Variants in HLX observed in about 807,000 individuals in gnomAD.
The protein encoded by HLX is H2.0 like homeobox.
Under a neutral mutation model 27.7 loss-of-function variants are expected in HLX, and 6 were observed. The ratio of observed to expected loss-of-function variants is 0.22; its 90% CI spans 0.12 to 0.43. HLX has a LOEUF of 0.43. Among genes scored for constraint, HLX ranks in the 20% least tolerant of loss-of-function variants. HLX has a pLI of 1.00. For synonymous variants in HLX, 328 were observed against 293.8 expected (o/e 1.12, Z -1.19); for missense variants, 666 against 655.2 (o/e 1.02, Z -0.18).
Position 220,879,627 on chromosome 1 carries a change from G to T in HLX, c.-231G>T, listed in dbSNP as rs1219573361. On this transcript the variant is annotated 5_prime_UTR_variant, in exon 1 of 4. Coordinates refer to ENST00000366903, the MANE Select transcript of HLX (RefSeq NM_021958.4). Reference sequence around the variant, plus strand: ...CCGCGAGGAGTGCGGGCGCCGCGCCGCCTTTAAAGCGAGGCCAGGGAGCGA... The same window carrying T: ...CCGCGAGGAGTGCGGGCGCCGCGCCTCCTTTAAAGCGAGGCCAGGGAGCGA... 1.6e-5 allele frequency: 10 copies of T among 631,828 alleles called. No individual in the cohort carries two copies. Among genetic ancestry groups the T allele is most frequent in the Non-Finnish European group, 2.5e-5 (10 of 402,750 alleles). The allele number at this position is 631,828 out of a possible 1,614,324, so 39.1% of individuals were successfully genotyped here. A position where few individuals can be genotyped will look rare whatever the true frequency, so the allele number is the denominator to read the frequency against.
intron 2 of HLX, chr1:220,881,824 A>AATT (rs1674452641): frequency 2.4e-6 from 1 of 409,960 alleles, no homozygotes; most frequent in Admixed American, 3.6e-5. Flanking sequence ...GAGATAATTC[A>AATT]ATTCAGGGCT....
At position 220,882,324 on chromosome 1, in the gene HLX, G is replaced by T; in HGVS notation, c.933G>T (p.Ala311=). 1 of 1,614,222 alleles carries T rather than the reference G, an allele frequency of 6.2e-7. No homozygotes were observed. Among genetic ancestry groups the T allele is most frequent in the Non-Finnish European group, 8.5e-7 (1 of 1,180,036 alleles). Residue 311 remains alanine (A), a synonymous_variant, in exon 3 of 4, where the codon GCG becomes GCT. Coordinates refer to ENST00000366903, the MANE Select transcript of HLX (RefSeq NM_021958.4). ...VTKPDRKQLA[A]MLGLTDAQVK... is the part of the protein sequence containing the mutation. ...AGCCGGACCGAAAGCAGCTGGCGGCGATGCTGGGCCTCACGGACGCACAGG... is the reference window on the plus strand; with the variant it reads ...AGCCGGACCGAAAGCAGCTGGCGGCTATGCTGGGCCTCACGGACGCACAGG...
chr1:220,879,473 T>G lies in HLX; in HGVS notation c.-385T>G. 1 of 196,814 alleles carries G rather than the reference T, an allele frequency of 5.1e-6. No individual in the cohort carries two copies. The allele number at this position is 196,814 out of a possible 1,614,324, so 12.2% of individuals were successfully genotyped here. On this transcript the variant is annotated 5_prime_UTR_variant, in exon 1 of 4. Coordinates refer to ENST00000366903, the MANE Select transcript of HLX (RefSeq NM_021958.4). ...TTTTCCCCCCCCCTAACTAACGGAC[T>G]ATTATTGTTGTTGTTTTAAATTTAG...
At position 220,879,586 on chromosome 1, in the gene HLX, C is replaced by A. The variant is rs1040923403; in HGVS notation, c.-272C>A. The A allele has an allele frequency of 6.0e-6, 3 of 503,508 alleles. No individual in the cohort carries two copies. The highest frequency in any genetic ancestry group is 1.0e-5 in the Non-Finnish European group (3 of 293,406). The allele number at this position is 503,508 out of a possible 1,614,324, so 31.2% of individuals were successfully genotyped here. On this transcript the variant is annotated 5_prime_UTR_variant, in exon 1 of 4. Coordinates refer to ENST00000366903, the MANE Select transcript of HLX (RefSeq NM_021958.4). ...CGCCCGCCCTGCGGCCCCAGCGCCCCTCGCTCTCATCCAGCCCGCGAGGAG... is the reference window on the plus strand; with the variant it reads ...CGCCCGCCCTGCGGCCCCAGCGCCCATCGCTCTCATCCAGCCCGCGAGGAG...
chr1:220,881,057 T>G, intron 1 of HLX, 137 bp from the exon 2 acceptor site: 3 of 796,220 alleles, frequency 3.8e-6, no homozygotes, highest in Admixed American at 4.7e-5. Context: ...AGAGAGAGGT[T>G]TCAGCGCCTA....
In HLX at chr1:220,880,234, A is replaced by C. The variant is rs753205383; in HGVS notation, c.377A>C (p.Gln126Pro). 6.2e-6 allele frequency: 10 copies of C among 1,612,492 alleles called. No homozygotes were observed. In the South Asian group the frequency reaches 1.1e-4, roughly 18 times the overall value. ...GCCTACCACCACCATCACCCGCAAC[A>C]ACAACAGCAGCAGCAACAGCCGCAG... ...SAAYHHHHPQ[Q>P]QQQQQQPQQQ... Residue 126 changes from glutamine to proline, a missense_variant, in exon 1 of 4, where the codon CAA (glutamine) becomes CCA (proline). Coordinates refer to ENST00000366903, the MANE Select transcript of HLX (RefSeq NM_021958.4).
At chr1:220,883,346 G>C (rs973999475) in intron 3 of HLX, 1 of 151,282 alleles carries the variant, frequency 6.6e-6, no homozygotes, top group African/African-American at 2.5e-5. Flanking sequence ...GAGCCCAGCC[G>C]TTTTCCACCA....
intron 1 of HLX, 59 bp downstream of exon 1, chr1:220,880,508 G>A: frequency 1.3e-6 from 2 of 1,588,736 alleles, no homozygotes; most frequent in South Asian, 1.1e-5. Context: ...CCGGACCCCG[G>A]GCTGGCTTGG....
rs775433454 is a variant in HLX, at chr1:220,880,209, G to T, written c.352G>T (p.Ala118Ser). 12 of 1,612,100 alleles carry T rather than the reference G, an allele frequency of 7.4e-6. No homozygotes were observed. In the East Asian group the frequency reaches 2.5e-4, roughly 33 times the overall value. Residue 118 changes from alanine to serine, a missense_variant, in exon 1 of 4, where the codon GCC becomes TCC. Physicochemically the swap from Ala to Ser is moderately conservative, Grantham distance 99 (BLOSUM62 1). Coordinates refer to ENST00000366903, the MANE Select transcript of HLX (RefSeq NM_021958.4). ...GCAGCGGCTGTCTCCGCTCTCAGCC[G>T]CCTACCACCACCATCACCCGCAACA... Reference protein sequence around the residue: ...FPQRLSPLSAAYHHHHPQQQQ... With the variant: ...FPQRLSPLSASYHHHHPQQQQ...
chr1:220,882,390 G>A, intron 3 of HLX, 42 bp downstream of exon 3: 3 of 1,593,808 alleles, frequency 1.9e-6, no homozygotes, highest in East Asian at 2.2e-5. Context: ...CCTCGGGCGG[G>A]CAGCAGCGCA....
At chr1:220,881,980 T>C in intron 2 of HLX, 184 bp from the exon 3 acceptor site, 1 of 695,050 alleles carries the variant, frequency 1.4e-6, no homozygotes, top group Non-Finnish European at 2.6e-6. Flanking sequence ...CCGACTGTCG[T>C]GTAAAATTCC....
intron 3 of HLX, chr1:220,883,647 CT>C (rs1674505692): frequency 6.3e-6 from 1 of 158,494 alleles, no homozygotes; most frequent in Non-Finnish European, 1.4e-5. Flanking sequence ...ACCCCTTTCC[CT>C]TTCTGCTTCC....
In HLX at chr1:220,884,247, C is replaced by A. The variant is rs1344236086; in HGVS notation, c.1010C>A (p.Ala337Asp). 6.2e-7 allele frequency: 1 copy of A among 1,613,916 alleles called. No homozygotes were observed. The highest frequency in any genetic ancestry group is 8.5e-7 in the Non-Finnish European group (1 of 1,179,980). ...RRMKWRHSKE[A>D]QAQKDKDKEA... Reference sequence around the variant, plus strand: ...ATGAAGTGGCGGCACTCCAAGGAGGCCCAGGCCCAAAAGGACAAGGACAAG... The same window carrying A: ...ATGAAGTGGCGGCACTCCAAGGAGGACCAGGCCCAAAAGGACAAGGACAAG... Residue 337 changes from alanine to aspartate, a missense_variant, in exon 4 of 4, where the codon GCC (alanine) becomes GAC (aspartate). Ala to Asp is a moderately radical substitution (Grantham distance 126, BLOSUM62 -2). Coordinates refer to ENST00000366903, the MANE Select transcript of HLX (RefSeq NM_021958.4). The surrounding 1 kb of genome is among the most constrained non-coding windows in gnomAD (Gnocchi z 4.9).
chr1:220,879,509 T>G lies in HLX; in HGVS notation c.-349T>G, dbSNP rs572671638. 2.3e-4 allele frequency: 82 copies of G among 353,490 alleles called. No individual in the cohort carries two copies. Among genetic ancestry groups the G allele is most frequent in the African/African-American group, 1.7e-3 (80 of 46,216 alleles). 21.9% of individuals were successfully genotyped at this position (353,490 alleles called of 1,614,324 possible). On this transcript the variant is annotated 5_prime_UTR_variant, in exon 1 of 4. Transcript: ENST00000366903. ...TTGTTTTAAATTTAGCTCTTAGGGC[T>G]TAGCTATTTGGGTTTTCTTGCGGTG...
In HLX at chr1:220,884,479, C is replaced by T. The variant is rs754952890; in HGVS notation, c.1242C>T (p.Ala414=). The T allele has an allele frequency of 5.0e-6, 8 of 1,614,114 alleles. No homozygotes were observed. The South Asian group carries it at 5.5e-5, about 11-fold the overall frequency. The change falls in exon 4 of 4, where the codon GCC becomes GCT. Residue 414 remains alanine (A), a synonymous_variant. Coordinates refer to ENST00000366903, the MANE Select transcript of HLX (RefSeq NM_021958.4). This position sits in a 1 kb window ranked among gnomAD's most constrained non-coding sequence, Gnocchi z 4.9. The part of the protein sequence containing the change: ...TTVIKAPVTG[A]LITASSAGSG... ...TTATTAAGGCCCCGGTCACTGGCGC[C>T]CTCATTACCGCCAGCAGTGCTGGGA...
At chr1:220,880,641 A>G (rs1674406485) in intron 1 of HLX, 192 bp downstream of exon 1, 4 of 628,034 alleles carry the variant, frequency 6.4e-6, no homozygotes, top group South Asian at 1.9e-5. Flanking sequence ...AAACAAACAA[A>G]AAATGACTCC....
Position 220,885,040 on chromosome 1 carries a change from TGTTTACTACG to T in HLX, c.*341_*350del, listed in dbSNP as rs1674539547. The T allele has an allele frequency of 2.9e-6, 1 of 348,954 alleles. No homozygotes were observed. The highest frequency in any genetic ancestry group is 2.0e-5 in the African/African-American group (1 of 48,962). 21.6% of individuals were successfully genotyped at this position (348,954 alleles called of 1,614,324 possible). On this transcript the variant is annotated 3_prime_UTR_variant, in exon 4 of 4. Transcript: ENST00000366903. ...GGACGCCTTAAATTTGTAAATAAAA[TGTTTACTACG>T]GTTTGTAAAGGCCGCTTGGCTTTGC...
chr1:220,882,462 G>C, intron 3 of HLX, 114 bp downstream of exon 3: 1 of 917,718 alleles, frequency 1.1e-6, no homozygotes, highest in Non-Finnish European at 1.7e-6. Flanking sequence ...GCAAACGCAA[G>C]ATCTTGACTT....
chr1:220,881,270 C>A lies in HLX; in HGVS notation c.669C>A (p.Phe223Leu), dbSNP rs1436408947. Reference sequence around the variant, plus strand: ...GCCTGCAGCCCTCGGCCGGCCAGTTCTTCGCATCTCTAGATCCCATTAACG... The same window carrying A: ...GCCTGCAGCCCTCGGCCGGCCAGTTATTCGCATCTCTAGATCCCATTAACG... ...LSGLQPSAGQ[F>L]FASLDPINEA... The change falls in exon 2 of 4, where the codon TTC (phenylalanine) becomes TTA (leucine). Residue 223 changes from phenylalanine (F) to leucine (L), a missense_variant. Coordinates refer to ENST00000366903, the MANE Select transcript of HLX (RefSeq NM_021958.4). 6.2e-7 allele frequency: 1 copy of A among 1,614,150 alleles called. No individual in the cohort carries two copies. Among genetic ancestry groups the A allele is most frequent in the African/African-American group, 1.3e-5 (1 of 75,078 alleles).
Sources: gnomAD v4.1 joint callset for allele counts on GRCh38, gnomAD v4.1.1 for gene constraint, Gnocchi (gnomAD v3.1) non-coding constraint, MANE v1.5 for transcripts, NCBI Gene and HGNC (gene_info 2026-07-23, HGNC 2026-07-21) for gene names.